NDUFAF6: variants seen among roughly 807,000 people sequenced by gnomAD.
NDUFAF6 encodes NADH:ubiquinone oxidoreductase complex assembly factor 6.
In NDUFAF6, 45 loss-of-function variants were observed where a neutral mutation model predicts 40.8. The ratio of observed to expected loss-of-function variants is 1.10; its 90% CI spans 0.87 to 1.42. NDUFAF6 has a LOEUF of 1.42. Ranked by LOEUF, NDUFAF6 falls within the 40% of genes most tolerant of loss-of-function variation. The pLI is 0.00. For missense variants in NDUFAF6, 435 were observed against 418.5 expected (o/e 1.04, Z -0.34); for synonymous variants, 185 against 155.9 (o/e 1.19, Z -1.39).
chr8:95,054,268 G>A (rs887904010), intron 8 of NDUFAF6, among the ~76,000 whole-genome samples: 3 of 151,256 alleles, frequency 2.0e-5, no homozygotes, highest in Non-Finnish European at 4.4e-5. Flanking sequence ...TAATTGTGAG[G>A]TGTGGCTAGG....
downstream of NDUFAF6, among the ~76,000 whole-genome samples, chr8:95,077,067 C>T (rs1808652847): frequency 6.6e-6 from 1 of 152,116 alleles, no homozygotes; most frequent in Non-Finnish European, 1.5e-5. Context: ...GACGTGCACA[C>T]ATGTGAAGAC....
At chr8:94,933,838 G>GGC (rs1554630476) in intron 1 of NDUFAF6, among the ~76,000 whole-genome samples, 4 of 148,482 alleles carry the variant, frequency 2.7e-5, no homozygotes, top group Non-Finnish European at 6.0e-5. Flanking sequence ...ACTTTGTGGG[G>GGC]GGGGGGGGAG....
chr8:95,104,161 C>T (rs1809742947), downstream of NDUFAF6, among the ~76,000 whole-genome samples: 1 of 152,328 alleles, frequency 6.6e-6, no homozygotes, highest in Non-Finnish European at 1.5e-5. Context: ...AAGCTGTGAG[C>T]CACTGCACCT....
rs545097801 is a variant in NDUFAF6, at chr8:95,044,226, G to T, written c.478-1319G>T. ...TAGTGGTTTGCCAGGGCTGAGGAGG[G>T]GGGGAAATGGGAAGTGTCTGCTTAA... On this transcript the variant is annotated intron_variant, in intron 4 of 8. Transcript: ENST00000396124. Among the ~76,000 whole-genome samples, 11 of 152,168 alleles carry T rather than the reference G, an allele frequency of 7.2e-5. No homozygotes were observed. In the South Asian group the frequency reaches 1.2e-3, roughly 17 times the overall value.
intron 1 of NDUFAF6, among the ~76,000 whole-genome samples, chr8:95,026,016 T>A (rs1451042537): frequency 6.6e-6 from 1 of 152,170 alleles, no homozygotes; most frequent in Non-Finnish European, 1.5e-5. Context: ...GGTCTTGAAG[T>A]ACTTGGTCTC....
At chr8:94,979,208 T>C (rs1483577543) in intron 1 of NDUFAF6, among the ~76,000 whole-genome samples, 3 of 152,096 alleles carry the variant, frequency 2.0e-5, no homozygotes, top group Non-Finnish European at 4.4e-5. Context: ...CCGCTTTTGT[T>C]GAGATTTTCT....
At position 95,089,646 on chromosome 8, in the gene NDUFAF6, G is replaced by A. The variant is rs544366059; in HGVS notation, n.214-11486G>A. Among the ~76,000 whole-genome samples the A allele has an allele frequency of 1.5e-4, 23 of 152,096 alleles. No homozygotes were observed. In the South Asian group the frequency reaches 2.1e-3, roughly 14 times the overall value. On this transcript the variant is annotated intron_variant and non_coding_transcript_variant, in intron 2 of 5. Transcript: ENST00000523184. Reference sequence around the variant, plus strand: ...TGCCTCAAACCCAGTGAAACCCTCCGTAACACAGACTAGGATATGCCACAA... The same window carrying A: ...TGCCTCAAACCCAGTGAAACCCTCCATAACACAGACTAGGATATGCCACAA...
chr8:95,069,671 T>C (rs996906386), intron 9 of NDUFAF6, among the ~76,000 whole-genome samples: 2 of 149,770 alleles, frequency 1.3e-5, no homozygotes, highest in Non-Finnish European at 3.0e-5. Flanking sequence ...TCCCAGCTAC[T>C]CGGGAGGCTG....
chr8:94,977,604 C>G lies in NDUFAF6; in HGVS notation c.-198-3255C>G, dbSNP rs1825077520. On this transcript the variant is annotated intron_variant, in intron 1 of 9. Coordinates refer to the NDUFAF6 transcript ENST00000396111. The stretch of plus-strand genomic sequence containing the variant: ...GCATAAGCACCCTGCTGGGTTCTCT[C>G]TCTCTCTCTCTCTCTCCTTGTGCCA... 5.3e-5 allele frequency among the ~76,000 whole-genome samples: 8 copies of G among 150,302 alleles called. No individual in the cohort carries two copies. The South Asian group carries it at 1.7e-3, about 32-fold the overall frequency.
At chr8:95,005,765 A>C (rs1190089737) in intron 2 of NDUFAF6, among the ~76,000 whole-genome samples, 1 of 151,462 alleles carries the variant, frequency 6.6e-6, no homozygotes, top group Non-Finnish European at 1.5e-5. Flanking sequence ...AAATGCCTTT[A>C]ATTAGACCAA....
At chr8:95,078,646 T>C (rs1808706948), downstream of NDUFAF6, 1 of 57,366 alleles carries the variant, frequency 1.7e-5, no homozygotes, top group Non-Finnish European at 3.6e-5. Context: ...CCCCTTTCTC[T>C]GTTAAAAAAA....
At chr8:95,115,314 T>A (rs949564770) in intron 4 of NDUFAF6, among the ~76,000 whole-genome samples, 12 of 152,132 alleles carry the variant, frequency 7.9e-5, no homozygotes, top group Admixed American at 1.3e-4. Context: ...AAAAGATGGA[T>A]CTGTATGACT....
rs575987080 is a variant in NDUFAF6, at chr8:94,944,440, A to G, written c.-935-1043A>G. ...CAGGAAGGCAGCTTCTGCCTGGAATATATGCAAGTAGCAAGTAAGATACAG... is the reference window on the plus strand; with the variant it reads ...CAGGAAGGCAGCTTCTGCCTGGAATGTATGCAAGTAGCAAGTAAGATACAG... On this transcript the variant is annotated intron_variant, in intron 1 of 14. Coordinates refer to the NDUFAF6 transcript ENST00000396113. Among the ~76,000 whole-genome samples the G allele has an allele frequency of 2.0e-5, 3 of 152,362 alleles. No individual in the cohort carries two copies. In the South Asian group the frequency reaches 6.2e-4, roughly 32 times the overall value.
In NDUFAF6 at chr8:95,048,567, G is replaced by A; in HGVS notation, c.816+9G>A. ...ACTTGCACCTAAAGCATGTAAGTCG[G>A]CTTTTTTTTGCCAAATCATTTAGGG... On this transcript the variant is annotated intron_variant, in intron 7 of 8. Coordinates refer to ENST00000396124, the MANE Select transcript of NDUFAF6 (RefSeq NM_152416.4). The A allele has an allele frequency of 2.5e-6, 4 of 1,593,702 alleles. No individual in the cohort carries two copies. The highest frequency in any genetic ancestry group is 1.1e-5 in the South Asian group (1 of 90,652).
chr8:94,900,192 C>T (rs1340972175), intron 1 of NDUFAF6, among the ~76,000 whole-genome samples: 1 of 151,832 alleles, frequency 6.6e-6, no homozygotes, highest in African/African-American at 2.4e-5. Flanking sequence ...CTGTCTCTTT[C>T]AGGGCTGGCC....
chr8:95,088,248 C>T (rs1354419347), intron 2 of NDUFAF6, among the ~76,000 whole-genome samples: 1 of 152,196 alleles, frequency 6.6e-6, no homozygotes, highest in Non-Finnish European at 1.5e-5. Flanking sequence ...CCCATCCTGG[C>T]GCCCTAGAGT....
chr8:94,972,840 A>C (rs1022577612), intron 1 of NDUFAF6, among the ~76,000 whole-genome samples: 2 of 151,982 alleles, frequency 1.3e-5, no homozygotes, highest in African/African-American at 4.8e-5. Flanking sequence ...TCGAGGCTGC[A>C]GTGAGCCATG....
intron 2 of NDUFAF6, among the ~76,000 whole-genome samples, chr8:94,997,545 A>G (rs1376654663): frequency 6.6e-6 from 1 of 152,132 alleles, no homozygotes; most frequent in Non-Finnish European, 1.5e-5. Flanking sequence ...TGGGTTTTAA[A>G]AAGTCTGAAG....
intron 1 of NDUFAF6, among the ~76,000 whole-genome samples, chr8:94,899,339 A>T (rs150774695): frequency 6.6e-6 from 1 of 152,250 alleles, no homozygotes; most frequent in African/African-American, 2.4e-5. Context: ...CACAGAACAC[A>T]CTTTGAGAAC....
Sources: gnomAD v4.1 joint callset for allele counts (sites outside exome capture counted in the v4.1 genomes callset) on GRCh38, gnomAD v4.1.1 for gene constraint, MANE v1.5 for transcripts, NCBI Gene and HGNC (gene_info 2026-07-23, HGNC 2026-07-21) for gene names.